The following DYNLT2 variants were observed in gnomAD, a reference collection of about 807,000 sequenced individuals.
The protein encoded by DYNLT2 is dynein light chain Tctex-type 2.
DYNLT2 carries 24 observed loss-of-function variants against 24.3 expected under a neutral mutation model. The ratio of observed to expected loss-of-function variants is 0.99; its 90% confidence interval spans 0.71 to 1.39. DYNLT2 has a LOEUF of 1.39. DYNLT2 is among the 40% of genes most tolerant of loss of function. DYNLT2 has a pLI of 0.00. For synonymous variants in DYNLT2, 85 were observed against 85.4 expected (o/e 1.00, Z 0.03); for missense variants, 246 against 234.5 (o/e 1.05, Z -0.32).
chr6:169,748,787 G>A (rs1789871580), intron 1 of DYNLT2, among the ~76,000 whole-genome samples: 1 of 152,076 alleles, frequency 6.6e-6, no homozygotes, highest in Non-Finnish European at 1.5e-5. Flanking sequence ...ATTCGTGTGT[G>A]GCCTGAAAAT....
At chr6:169,736,927 C>T (rs1203448497), downstream of DYNLT2, among the ~76,000 whole-genome samples, 1 of 152,156 alleles carries the variant, frequency 6.6e-6, no homozygotes, top group African/African-American at 2.4e-5. Flanking sequence ...TGTTTCCATT[C>T]TCCCCATCTC....
chr6:169,751,534 G>C lies in DYNLT2; in HGVS notation c.-76C>G, dbSNP rs887469304. ...CAAACGCCCTAGCCAGTCCCGCGAG[G>C]GCGGAAGTCTCCCACCTGCGCCTCG... is the stretch of plus-strand genomic sequence containing the variant. On this transcript the variant is annotated 5_prime_UTR_variant, in exon 1 of 4. Coordinates refer to ENST00000366774, the MANE Select transcript of DYNLT2 (RefSeq NM_174910.3). 1.2e-6 allele frequency: 2 copies of C among 1,610,572 alleles called. No homozygotes were observed. The highest frequency in any genetic ancestry group is 2.7e-5 in the African/African-American group (2 of 74,794).
downstream of DYNLT2, among the ~76,000 whole-genome samples, chr6:169,735,659 G>T (rs1037763217): frequency 6.6e-6 from 1 of 152,134 alleles, no homozygotes; most frequent in East Asian, 1.9e-4. Context: ...TGTTTGTTAT[G>T]ATTTCAGTTC....
At chr6:169,725,215 C>T in the DYNLT2 span, 3 of 398,808 alleles carry the variant, frequency 7.5e-6, no homozygotes, top group East Asian at 3.6e-5. Context: ...GCTGGCCTCA[C>T]GGATTCCACT....
At chr6:169,742,474 C>T (rs898435379) in intron 3 of DYNLT2, among the ~76,000 whole-genome samples, 4 of 152,182 alleles carry the variant, frequency 2.6e-5, no homozygotes, top group African/African-American at 9.6e-5. Flanking sequence ...TAGTACCTAA[C>T]ACCTATTAGT....
At chr6:169,728,087 A>G in the DYNLT2 span, among the ~76,000 whole-genome samples, 1 of 152,190 alleles carries the variant, frequency 6.6e-6, no homozygotes, top group Non-Finnish European at 1.5e-5. Flanking sequence ...TCAGGTTCTC[A>G]GTCAAGTTTA....
chr6:169,740,810 A>AT (rs35611898), intron 3 of DYNLT2, among the ~76,000 whole-genome samples: 29,143 of 144,138 alleles, frequency 0.2, 3,455 homozygotes, highest in African/African-American at 0.33. Flanking sequence ...AATGGCCCCA[A>AT]TTTTTTTTTT....
intron 2 of DYNLT2, among the ~76,000 whole-genome samples, chr6:169,743,463 G>A (rs923869460): frequency 6.6e-6 from 1 of 151,998 alleles, no homozygotes; most frequent in Non-Finnish European, 1.5e-5. Flanking sequence ...TTTCATTAGC[G>A]ATACAAGCTG....
the DYNLT2 span, among the ~76,000 whole-genome samples, chr6:169,727,048 T>C: frequency 3.3e-5 from 5 of 152,168 alleles, no homozygotes; most frequent in Non-Finnish European, 5.9e-5. Context: ...AGAGAGTGTT[T>C]TAAAAGAGGG....
At chr6:169,729,764 A>G in the DYNLT2 span, among the ~76,000 whole-genome samples, 1 of 152,050 alleles carries the variant, frequency 6.6e-6, no homozygotes, top group Non-Finnish European at 1.5e-5. Flanking sequence ...GAGATACAAG[A>G]TTCATATTCC....
chr6:169,725,630 G>T, the DYNLT2 span: 1 of 269,926 alleles, frequency 3.7e-6, no homozygotes. Flanking sequence ...GTAGAGTTTA[G>T]CGGTTTTTTT....
chr6:169,739,417 A>G (rs995643905), downstream of DYNLT2, among the ~76,000 whole-genome samples: 2 of 152,102 alleles, frequency 1.3e-5, no homozygotes, highest in African/African-American at 4.8e-5. Context: ...TAAGGAGGGA[A>G]TTACAACTGG....
chr6:169,727,971 AAGG>A, the DYNLT2 span, among the ~76,000 whole-genome samples: 1 of 152,190 alleles, frequency 6.6e-6, no homozygotes, highest in African/African-American at 2.4e-5. Flanking sequence ...TCTGAGGAAG[AAGG>A]AGGTGTGTCA....
downstream of DYNLT2, chr6:169,738,645 C>A (rs537343398): frequency 6.6e-6 from 1 of 152,394 alleles, no homozygotes; most frequent in South Asian, 2.1e-4. Flanking sequence ...AACCTGGATA[C>A]CTTGGTTGCT....
chr6:169,747,901 GAGCT>G (rs1789846059), intron 1 of DYNLT2, among the ~76,000 whole-genome samples: 2 of 152,034 alleles, frequency 1.3e-5, no homozygotes, highest in Non-Finnish European at 2.9e-5. Flanking sequence ...TAAGACTCTT[GAGCT>G]TTCTTCTAGA....
At chr6:169,731,034 T>C in the DYNLT2 span, among the ~76,000 whole-genome samples, 18 of 152,208 alleles carry the variant, frequency 1.2e-4, no homozygotes, top group South Asian at 3.7e-3. Flanking sequence ...AGGCTGATGA[T>C]AGCAGGGCAG....
chr6:169,745,161 T>G (rs1417315203), intron 1 of DYNLT2, among the ~76,000 whole-genome samples: 1 of 152,038 alleles, frequency 6.6e-6, no homozygotes, highest in Non-Finnish European at 1.5e-5. Context: ...GGCGCGATCT[T>G]GGCTCACTGC....
At position 169,751,442 on chromosome 6, in the gene DYNLT2, C is replaced by A. The variant is rs756946789; in HGVS notation, c.17G>T (p.Arg6Leu). Residue 6 changes from arginine to leucine, a missense_variant, in exon 1 of 4, where the codon CGA becomes CTA. Arg to Leu is a moderately radical substitution (Grantham distance 102). Coordinates refer to ENST00000366774, the MANE Select transcript of DYNLT2 (RefSeq NM_174910.3). ...CTGGATGGGGCTCGACTTCACGCCT[C>A]GGCCTCGCTTCTCCATCTCGCTCTG... MEKRG[R>L]GVKSSPIQTP... The A allele has an allele frequency of 6.2e-7, 1 of 1,614,064 alleles. No homozygotes were observed. Among genetic ancestry groups the A allele is most frequent in the South Asian group, 1.1e-5 (1 of 91,084 alleles).
Position 169,740,266 on chromosome 6 carries a change from T to C in DYNLT2, c.516A>G (p.Ala172=), listed in dbSNP as rs1381779665. 6.2e-7 allele frequency: 1 copy of C among 1,613,956 alleles called. No homozygotes were observed. Among genetic ancestry groups the C allele is most frequent in the Admixed American group, 1.7e-5 (1 of 60,010 alleles). The change falls in exon 4 of 4, where the codon GCA becomes GCG. Residue 172 remains alanine (A), a synonymous_variant. Coordinates refer to ENST00000366774, the MANE Select transcript of DYNLT2 (RefSeq NM_174910.3). Reference sequence around the variant, plus strand: ...GTTTAGCTGCGACCCAGCTGTCCCATGCAATGTCCCAGATCCATCTGCTGG... The same window carrying C: ...GTTTAGCTGCGACCCAGCTGTCCCACGCAATGTCCCAGATCCATCTGCTGG... ...NIASRWIWDI[A]WDSWVAAKHE...
Sources: gnomAD v4.1 joint callset for allele counts (sites outside exome capture counted in the v4.1 genomes callset) on GRCh38, gnomAD v4.1.1 for gene constraint, MANE v1.5 for transcripts, NCBI Gene and HGNC (gene_info 2026-07-23, HGNC 2026-07-21) for gene names.